Variants in BNC2 observed in about 807,000 individuals in gnomAD.
BNC2 encodes the protein zinc finger protein basonuclin-2.
A neutral mutation model predicts 76.3 loss-of-function variants in BNC2; 20 were observed. The ratio of observed to expected loss-of-function variants is 0.26; its 90% confidence interval spans 0.18 to 0.38. The LOEUF (loss-of-function observed/expected upper bound fraction) is 0.38. Among genes scored for constraint, BNC2 ranks in the 10% least tolerant of loss-of-function variants. The pLI is 1.00. For missense variants in BNC2, 1,382 were observed against 1,399.8 expected (o/e 0.99, Z 0.20); for synonymous variants, 582 against 514.8 (o/e 1.13, Z -1.77).
At chr9:16,583,883 T>C (rs1271341779) in intron 3 of BNC2, among the ~76,000 whole-genome samples, 1 of 152,202 alleles carries the variant, frequency 6.6e-6, no homozygotes, top group African/African-American at 2.4e-5. Context: ...CATTTCCTTA[T>C]AACCACTTTA....
chr9:16,713,080 A>G (rs7029546), intron 3 of BNC2, among the ~76,000 whole-genome samples: 1 of 152,120 alleles, frequency 6.6e-6, no homozygotes, highest in Non-Finnish European at 1.5e-5. Flanking sequence ...CCCATGGAGC[A>G]TTCCATGGTG....
intron 1 of BNC2, among the ~76,000 whole-genome samples, chr9:16,862,340 A>G (rs1289870559): frequency 2.0e-5 from 3 of 152,224 alleles, no homozygotes; most frequent in Admixed American, 6.5e-5. Context: ...TGGGTGAGTT[A>G]TATCTCAATA....
At chr9:16,813,252 C>T (rs1267273445) in intron 1 of BNC2, among the ~76,000 whole-genome samples, 2 of 151,682 alleles carry the variant, frequency 1.3e-5, no homozygotes, top group Non-Finnish European at 2.9e-5. Context: ...ATAACGGAAG[C>T]AAGCAGAAAA....
At chr9:16,798,758 T>C (rs1221447239) in intron 1 of BNC2, among the ~76,000 whole-genome samples, 1 of 152,112 alleles carries the variant, frequency 6.6e-6, no homozygotes, top group Non-Finnish European at 1.5e-5. Context: ...ACCCTGTAAG[T>C]CCATTTCCAT....
chr9:16,480,330 G>T (rs1282980660), intron 5 of BNC2, among the ~76,000 whole-genome samples: 2 of 152,248 alleles, frequency 1.3e-5, no homozygotes, highest in Non-Finnish European at 1.5e-5. Flanking sequence ...ATCCCATTGA[G>T]AGGTGACAGC....
At chr9:16,771,747 C>G (rs1186048409) in intron 1 of BNC2, among the ~76,000 whole-genome samples, 1 of 152,158 alleles carries the variant, frequency 6.6e-6, no homozygotes, top group Non-Finnish European at 1.5e-5. Context: ...GTATTTAACA[C>G]TTTCTTCAAT....
chr9:16,783,925 T>C (rs762460521), intron 1 of BNC2, among the ~76,000 whole-genome samples: 5 of 152,174 alleles, frequency 3.3e-5, no homozygotes, highest in Admixed American at 6.5e-5. Flanking sequence ...TATCGATACA[T>C]ATATGAAAAT....
At chr9:16,496,997 C>G (rs563636335) in intron 5 of BNC2, among the ~76,000 whole-genome samples, 1 of 152,244 alleles carries the variant, frequency 6.6e-6, no homozygotes, top group African/African-American at 2.4e-5. Context: ...ATGCACGATG[C>G]TCTTTTTCTG....
At chr9:16,616,235 T>A (rs115826935) in intron 3 of BNC2, among the ~76,000 whole-genome samples, 1 of 151,526 alleles carries the variant, frequency 6.6e-6, no homozygotes, top group Non-Finnish European at 1.5e-5. Context: ...TAATAAAAAA[T>A]AAATAAATTA....
intron 3 of BNC2, among the ~76,000 whole-genome samples, chr9:16,631,478 T>C (rs935553616): frequency 3.3e-5 from 5 of 152,238 alleles, no homozygotes; most frequent in South Asian, 4.1e-4. Context: ...CTTATCCACA[T>C]TGAAACATGG....
intron 1 of BNC2, among the ~76,000 whole-genome samples, chr9:16,759,624 T>C (rs1367080668): frequency 1.3e-5 from 2 of 152,210 alleles, no homozygotes; most frequent in African/African-American, 4.8e-5. Context: ...TTCCATTTTA[T>C]TGGTATCTAT....
intron 5 of BNC2, among the ~76,000 whole-genome samples, chr9:16,537,458 A>C (rs1335729067): frequency 6.6e-6 from 1 of 152,214 alleles, no homozygotes; most frequent in African/African-American, 2.4e-5. Context: ...CCTCCTCAAT[A>C]GTTATGTAAT....
At chr9:16,620,060 T>C (rs914638580) in intron 3 of BNC2, among the ~76,000 whole-genome samples, 10 of 152,196 alleles carry the variant, frequency 6.6e-5, no homozygotes, top group African/African-American at 1.9e-4. Flanking sequence ...CCCCACTTTG[T>C]AATAGACAAC....
At chr9:16,702,252 G>A in intron 3 of BNC2, among the ~76,000 whole-genome samples, 1 of 152,192 alleles carries the variant, frequency 6.6e-6, no homozygotes, top group South Asian at 2.1e-4. Context: ...ACAAAACCAG[G>A]GACAGACGCT....
chr9:16,758,812 T>G (rs1259671972), intron 1 of BNC2, among the ~76,000 whole-genome samples: 1 of 152,230 alleles, frequency 6.6e-6, no homozygotes, highest in African/African-American at 2.4e-5. Flanking sequence ...AATATAAGGC[T>G]AAGGCACAAT....
intron 3 of BNC2, among the ~76,000 whole-genome samples, chr9:16,652,464 C>T (rs1821819435): frequency 7.7e-6 from 1 of 129,796 alleles, no homozygotes; most frequent in Non-Finnish European, 1.6e-5. Context: ...AAAGTGAATG[C>T]CTTACTTGTT....
chr9:16,705,953 A>G (rs1427170721), intron 3 of BNC2, among the ~76,000 whole-genome samples: 1 of 152,076 alleles, frequency 6.6e-6, no homozygotes, highest in African/African-American at 2.4e-5. Flanking sequence ...CAACAATATT[A>G]GATCAAAAAA....
intron 1 of BNC2, among the ~76,000 whole-genome samples, chr9:16,772,351 T>C (rs117119943): frequency 0.013 from 1,915 of 152,280 alleles, 20 homozygotes; most frequent in South Asian, 0.029. Context: ...TTTTTTAATA[T>C]GCCATTGTTC....
At chr9:16,837,899 G>C (rs59495662) in intron 1 of BNC2, among the ~76,000 whole-genome samples, 1 of 151,934 alleles carries the variant, frequency 6.6e-6, no homozygotes, top group Non-Finnish European at 1.5e-5. Flanking sequence ...TTGCACTCCA[G>C]CTTGGGCAAC....
Sources: allele counts gnomAD v4.1 joint callset (sites outside exome capture counted in the v4.1 genomes callset), GRCh38; gene constraint gnomAD v4.1.1; transcripts MANE v1.5; gene names NCBI Gene and HGNC (gene_info 2026-07-23, HGNC 2026-07-21).